GNAT3: variants seen among roughly 807,000 people sequenced by gnomAD.
The protein encoded by GNAT3 is G protein subunit alpha transducin 3.
GNAT3 carries 31 observed loss-of-function variants against 37.7 expected under a neutral mutation model. The ratio of observed to expected loss-of-function variants is 0.82; its 90% CI spans 0.62 to 1.11. GNAT3 has a LOEUF of 1.11. GNAT3 is among the 50% of genes most tolerant of loss of function. The pLI is 0.00. For missense variants in GNAT3, 437 were observed against 412.5 expected, an observed-to-expected ratio of 1.06 and a Z score of -0.51; for synonymous variants, 138 against 139.8, an observed-to-expected ratio of 0.99 and a Z score of 0.09.
At chr7:80,499,784 C>T (rs1209275876) in intron 1 of GNAT3, among the ~76,000 whole-genome samples, 1 of 149,668 alleles carries the variant, frequency 6.7e-6, no homozygotes, top group Non-Finnish European at 1.5e-5. Flanking sequence ...TATGAGCTTG[C>T]ACTCATCTCT....
chr7:80,482,869 T>C (rs897218242), intron 3 of GNAT3, among the ~76,000 whole-genome samples: 8 of 151,974 alleles, frequency 5.3e-5, no homozygotes, highest in African/African-American at 1.9e-4. Flanking sequence ...AATTTCAATA[T>C]ACTTTATTTG....
At chr7:80,471,721 T>C (rs985408803) in intron 5 of GNAT3, among the ~76,000 whole-genome samples, 44 of 151,862 alleles carry the variant, frequency 2.9e-4, no homozygotes, top group African/African-American at 1.0e-3. Context: ...GTGTAAGGAG[T>C]GTGGTCTTTG....
chr7:80,483,261 T>C (rs1215219897), intron 3 of GNAT3, among the ~76,000 whole-genome samples: 7 of 152,136 alleles, frequency 4.6e-5, no homozygotes, highest in Non-Finnish European at 8.8e-5. Flanking sequence ...TAACCATAAA[T>C]AACACTTTAT....
chr7:80,472,067 T>C lies in GNAT3; in HGVS notation c.590+2184A>G, dbSNP rs181069828. 2.1e-4 allele frequency among the ~76,000 whole-genome samples: 32 copies of C among 151,702 alleles called. No homozygotes were observed. The East Asian group carries it at 5.4e-3, about 26-fold the overall frequency. ...TAGCCTCCAGGAGCTCGGGGGCATA[T>C]GAGATAGAAACAGAAACAAAAAGAG... On this transcript the variant is annotated intron_variant, in intron 5 of 7. Transcript: ENST00000398291.
chr7:80,492,330 C>T (rs903434445), intron 2 of GNAT3, among the ~76,000 whole-genome samples: 4 of 151,532 alleles, frequency 2.6e-5, no homozygotes, highest in East Asian at 3.9e-4. Flanking sequence ...GGCGACAGAG[C>T]GAGACCCTTT....
At chr7:80,488,470 G>A in intron 3 of GNAT3, 65 bp downstream of exon 3, 6 of 1,317,900 alleles carry the variant, frequency 4.6e-6, no homozygotes, top group East Asian at 2.5e-5. Flanking sequence ...AACTTATTAA[G>A]TCCTCTTATT....
At chr7:80,480,459 A>T (rs2116174734) in intron 3 of GNAT3, among the ~76,000 whole-genome samples, 1 of 152,246 alleles carries the variant, frequency 6.6e-6, no homozygotes, top group Non-Finnish European at 1.5e-5. Flanking sequence ...CCCAATCCAG[A>T]TCCCAAGAGA....
At chr7:80,498,870 ATTATT>A (rs562943736) in intron 1 of GNAT3, among the ~76,000 whole-genome samples, 10 of 152,144 alleles carry the variant, frequency 6.6e-5, no homozygotes, top group Non-Finnish European at 1.2e-4. Context: ...ATACTCATAA[ATTATT>A]TTATTTTTAA....
chr7:80,489,471 G>T (rs902289245), intron 2 of GNAT3, among the ~76,000 whole-genome samples: 1 of 151,696 alleles, frequency 6.6e-6, no homozygotes, highest in Non-Finnish European at 1.5e-5. Flanking sequence ...GCATCTTTTT[G>T]GATGTCATAT....
intron 1 of GNAT3, among the ~76,000 whole-genome samples, chr7:80,510,829 A>C (rs777990355): frequency 1.1e-4 from 16 of 152,290 alleles, no homozygotes; most frequent in Middle Eastern, 3.4e-3. Context: ...TTAAGTATTT[A>C]ATTCATTTAA....
At chr7:80,463,790 T>C (rs1036429317) in intron 5 of GNAT3, among the ~76,000 whole-genome samples, 2 of 151,156 alleles carry the variant, frequency 1.3e-5, no homozygotes, top group African/African-American at 4.9e-5. Context: ...GTTAACTGAA[T>C]AGAGAGGCAG....
At chr7:80,506,831 C>A (rs1441765026) in intron 1 of GNAT3, among the ~76,000 whole-genome samples, 1 of 152,064 alleles carries the variant, frequency 6.6e-6, no homozygotes, top group African/African-American at 2.4e-5. Context: ...ATTGTTAAAT[C>A]TAGCTAATTA....
chr7:80,470,738 T>C (rs1448286698), intron 5 of GNAT3, among the ~76,000 whole-genome samples: 9 of 152,090 alleles, frequency 5.9e-5, no homozygotes, highest in African/African-American at 1.4e-4. Flanking sequence ...CAGAGGAAAA[T>C]GACTATGTAC....
intron 1 of GNAT3, among the ~76,000 whole-genome samples, chr7:80,496,853 C>CTTTTTTTTTTTTT (rs34567388): frequency 7.3e-6 from 1 of 136,982 alleles, no homozygotes; most frequent in Non-Finnish European, 1.6e-5. Context: ...GACAACTTTT[C>CTTTTTTTTTTTTT]TTTTTTTTTT....
chr7:80,478,668 AT>A (rs1161735681), intron 4 of GNAT3, among the ~76,000 whole-genome samples, 172 bp downstream of exon 4: 4 of 152,288 alleles, frequency 2.6e-5, no homozygotes, highest in Non-Finnish European at 5.9e-5. Flanking sequence ...CTTAAATCTC[AT>A]TATGTCACCT....
At chr7:80,459,011 G>A (rs1790002655) in intron 7 of GNAT3, 150 bp from the exon 8 acceptor site, 1 of 589,130 alleles carries the variant, frequency 1.7e-6, no homozygotes, top group Non-Finnish European at 2.8e-6. Context: ...AGGGTGCTGG[G>A]AACTATGCTC....
chr7:80,473,413 C>A (rs1018468721), intron 5 of GNAT3, among the ~76,000 whole-genome samples: 4 of 152,012 alleles, frequency 2.6e-5, no homozygotes, highest in Non-Finnish European at 5.9e-5. Flanking sequence ...TTACCATTTT[C>A]TTTTTCCTCA....
At chr7:80,499,282 G>A (rs774663458) in intron 1 of GNAT3, among the ~76,000 whole-genome samples, 4 of 152,106 alleles carry the variant, frequency 2.6e-5, no homozygotes, top group African/African-American at 4.8e-5. Flanking sequence ...GTGTCATATC[G>A]CTTTCTTTTT....
intron 7 of GNAT3, 57 bp from the exon 8 acceptor site, chr7:80,458,918 G>T: frequency 1.7e-6 from 2 of 1,163,028 alleles, no homozygotes; most frequent in Non-Finnish European, 2.4e-6. Context: ...CAAAGAATAG[G>T]CTATAAATAA....
Sources: gnomAD v4.1 joint callset for allele counts (sites outside exome capture counted in the v4.1 genomes callset) on GRCh38, gnomAD v4.1.1 for gene constraint, MANE v1.5 for transcripts, NCBI Gene and HGNC (gene_info 2026-07-23, HGNC 2026-07-21) for gene names.